The following IST1 variants were observed in gnomAD, a reference collection of about 807,000 sequenced individuals.
The protein encoded by IST1 is IST1 factor associated with ESCRT-III.
A neutral mutation model predicts 37.0 loss-of-function variants in IST1; 23 were observed. The ratio of observed to expected loss-of-function variants is 0.62; its 90% CI spans 0.45 to 0.88. The LOEUF (loss-of-function observed/expected upper bound fraction) is 0.88. Among genes scored for constraint, IST1 ranks in the 40% least tolerant of loss-of-function variants. The pLI is 0.00. For synonymous variants in IST1, 180 were observed against 161.7 expected, an observed-to-expected ratio of 1.11 and a Z score of -0.86; for missense variants, 488 against 445.4, an observed-to-expected ratio of 1.10 and a Z score of -0.86.
chr16:71,924,184 A>G (rs2037681971), intron 8 of IST1: 1 of 455,856 alleles, frequency 2.2e-6, no homozygotes, highest in Non-Finnish European at 4.4e-6. Context: ...GAGGTCGAAA[A>G]TCTTCATCAG....
At chr16:71,919,729 C>G (rs1165391447) in intron 4 of IST1, among the ~76,000 whole-genome samples, 1 of 152,156 alleles carries the variant, frequency 6.6e-6, no homozygotes, top group Admixed American at 6.5e-5. Context: ...CATCACTTCC[C>G]TCAGGAAGCC....
chr16:71,927,529 G>GT lies in IST1; in HGVS notation c.902-81dup, dbSNP rs201278289. 268 of 982,238 alleles carry GT rather than the reference G, an allele frequency of 2.7e-4. No homozygotes were observed. The East Asian group carries it at 6.4e-3, about 23-fold the overall frequency. 60.8% of individuals were successfully genotyped at this position (982,238 alleles called of 1,614,324 possible). On this transcript the variant is annotated intron_variant, in intron 9 of 9. Coordinates refer to ENST00000378799, the MANE Select transcript of IST1 (RefSeq NM_001270975.2). ...TTTGTGAACTAAGGTTTTCTCCTGT[G>GT]TTTTGATCATTTTATTTTTACTGCC...
At chr16:71,899,987 ACT>A (rs1398386393) in intron 1 of IST1, among the ~76,000 whole-genome samples, 3 of 125,326 alleles carry the variant, frequency 2.4e-5, no homozygotes, top group Non-Finnish European at 4.9e-5. Context: ...ACAGAACAAG[ACT>A]CTGTCTCAAA....
At chr16:71,920,707 C>G (rs1555510594) in intron 4 of IST1, 32 bp from the exon 5 acceptor site, 2 of 1,519,736 alleles carry the variant, frequency 1.3e-6, no homozygotes, top group Non-Finnish European at 9.1e-7. Flanking sequence ...GGAGTGGTCT[C>G]TATTTTTATT....
intron 1 of IST1, among the ~76,000 whole-genome samples, chr16:71,915,048 C>T (rs902459209): frequency 2.0e-5 from 3 of 152,102 alleles, no homozygotes; most frequent in Admixed American, 6.6e-5. Flanking sequence ...TTGTGTAACC[C>T]TGTATGTGAG....
At chr16:71,921,123 ATCT>A in intron 5 of IST1, 1 of 597,936 alleles carries the variant, frequency 1.7e-6, no homozygotes, top group South Asian at 2.0e-5. Flanking sequence ...CAGCAGTATC[ATCT>A]TTTGCCAGCA....
chr16:71,930,195 A>G lies in IST1; in HGVS notation c.*2382A>G, dbSNP rs376397329. On this transcript the variant is annotated 3_prime_UTR_variant, in exon 10 of 10. Coordinates refer to ENST00000378799, the MANE Select transcript of IST1 (RefSeq NM_001270975.2). The stretch of plus-strand genomic sequence containing the variant: ...TCTAAAGCGAAAACCTGGGAAAACA[A>G]TAAGAACACTTGCAGTGACTGACAA... 3.0e-5 allele frequency: 46 copies of G among 1,538,884 alleles called. No homozygotes were observed. The African/African-American group carries it at 3.3e-4, about 11-fold the overall frequency.
At chr16:71,894,742 T>C, upstream of IST1, 1 of 791,544 alleles carries the variant, frequency 1.3e-6, no homozygotes, top group Non-Finnish European at 2.1e-6. Flanking sequence ...CACTATGGTG[T>C]CCAGGCTGGT....
Position 71,927,612 on chromosome 16 carries a change from AGGTCCT to A in IST1, c.903_908del (p.Gly303_Pro304del). 6.2e-7 allele frequency: 1 copy of A among 1,610,792 alleles called. No individual in the cohort carries two copies. The highest frequency in any genetic ancestry group is 8.5e-7 in the Non-Finnish European group (1 of 1,177,068). The stretch of plus-strand genomic sequence containing the variant: ...TAACGTTGTGCTCCTTGCCCTAATT[AGGTCCT>A]GGACCCAAGCCAGAAGCCTCTGCAA... On this transcript the variant is annotated splice_acceptor_variant and coding_sequence_variant, in exon 10 of 10. Transcript: ENST00000378799. LOFTEE classifies it high-confidence loss of function.
intron 1 of IST1, among the ~76,000 whole-genome samples, chr16:71,911,474 A>T (rs1043560329): frequency 1.3e-5 from 2 of 152,124 alleles, no homozygotes; most frequent in African/African-American, 4.8e-5. Flanking sequence ...CAGGGGTTGC[A>T]GTGAGCTAAG....
At chr16:71,914,537 G>T (rs2037428957) in intron 1 of IST1, among the ~76,000 whole-genome samples, 1 of 152,112 alleles carries the variant, frequency 6.6e-6, no homozygotes, top group Non-Finnish European at 1.5e-5. Flanking sequence ...AATACTTATT[G>T]CATGGATTGA....
rs539065029 is a variant in IST1, at chr16:71,921,260, A to G, written c.442-83A>G. On this transcript the variant is annotated intron_variant, in intron 5 of 9. Coordinates refer to ENST00000378799, the MANE Select transcript of IST1 (RefSeq NM_001270975.2). The stretch of plus-strand genomic sequence containing the variant: ...TTCCCTCAATATTACCTGTAAAATG[A>G]GAGGAGCTAACTTCGCATAGTGAGG... 78 of 807,678 alleles carry G rather than the reference A, an allele frequency of 9.7e-5. No individual in the cohort carries two copies. In the African/African-American group the frequency reaches 1.1e-3, roughly 11 times the overall value. The allele number at this position is 807,678 out of a possible 1,614,324, so 50.0% of individuals were successfully genotyped here.
At chr16:71,896,239 C>T (rs1166556782) in intron 1 of IST1, among the ~76,000 whole-genome samples, 6 of 152,176 alleles carry the variant, frequency 3.9e-5, no homozygotes, top group Non-Finnish European at 7.3e-5. Context: ...CGGTGCTCTT[C>T]TTCCGGGGTG....
At chr16:71,913,134 G>C (rs759045732) in intron 1 of IST1, among the ~76,000 whole-genome samples, 93 of 152,174 alleles carry the variant, frequency 6.1e-4, no homozygotes, top group Admixed American at 1.2e-3. Context: ...GGGATTTCTA[G>C]ATTATGTGGT....
At chr16:71,923,719 A>AAAGTATCAT (rs1265172749) in intron 8 of IST1, among the ~76,000 whole-genome samples, 1 of 152,204 alleles carries the variant, frequency 6.6e-6, no homozygotes, top group Admixed American at 6.5e-5. Context: ...TCGTGGTGCT[A>AAAGTATCAT]AAGTATCATA....
chr16:71,901,094 CT>C (rs1221153089), intron 1 of IST1, among the ~76,000 whole-genome samples: 1 of 152,042 alleles, frequency 6.6e-6, no homozygotes, highest in East Asian at 1.9e-4. Context: ...ATTTTATTAA[CT>C]TTTAGGTTAT....
intron 4 of IST1, among the ~76,000 whole-genome samples, 166 bp downstream of exon 4, chr16:71,917,300 G>A (rs1163541979): frequency 6.6e-6 from 1 of 150,976 alleles, no homozygotes; most frequent in East Asian, 1.9e-4. Flanking sequence ...TTATATCGTA[G>A]AATAGAACAG....
chr16:71,922,394 A>T, intron 6 of IST1, 80 bp from the exon 7 acceptor site: 1 of 1,181,510 alleles, frequency 8.5e-7, no homozygotes. Flanking sequence ...CTTTATGCTA[A>T]TCTCCATCTC....
intron 1 of IST1, among the ~76,000 whole-genome samples, chr16:71,908,678 A>G (rs2037282709): frequency 6.6e-6 from 1 of 152,114 alleles, no homozygotes; most frequent in African/African-American, 2.4e-5. Flanking sequence ...CCCAGTGAGT[A>G]TCACCCACTT....
Sources: gnomAD v4.1 joint callset for allele counts (sites outside exome capture counted in the v4.1 genomes callset) on GRCh38, gnomAD v4.1.1 for gene constraint, MANE v1.5 for transcripts, NCBI Gene and HGNC (gene_info 2026-07-23, HGNC 2026-07-21) for gene names.